Variants in RBPJ observed in about 807,000 individuals in gnomAD.
RBPJ encodes the protein recombining binding protein suppressor of hairless.
Under a neutral mutation model 67.8 loss-of-function variants are expected in RBPJ, and 9 were observed. The observed-to-expected ratio is 0.13, with a 90% confidence interval of 0.08 to 0.23. The LOEUF (loss-of-function observed/expected upper bound fraction) is 0.23. Ranked by LOEUF, RBPJ falls within the 10% of genes least tolerant of loss-of-function variation. The pLI is 1.00. For missense variants in RBPJ, 305 were observed against 595.6 expected (o/e 0.51, Z 5.08); for synonymous variants, 198 against 203.3 (o/e 0.97, Z 0.22).
chr4:26,175,383 G>A (rs192319856), intron 1 of RBPJ, among the ~76,000 whole-genome samples: 125 of 152,170 alleles, frequency 8.2e-4, no homozygotes, highest in African/African-American at 2.6e-3. Context: ...GAGCTGGGGG[G>A]GGGATTTGAG....
chr4:26,322,543 G>T, intron 1 of RBPJ, among the ~76,000 whole-genome samples: 1 of 152,040 alleles, frequency 6.6e-6, no homozygotes, highest in East Asian at 1.9e-4. Flanking sequence ...CCCATCATTG[G>T]GGTTGAAATG....
In RBPJ at chr4:26,238,216, C is replaced by T. The variant is rs117292074; in HGVS notation, c.-167+74602C>T. Among the ~76,000 whole-genome samples the T allele has an allele frequency of 6.9e-3, 1,050 of 152,248 alleles. 28 individuals are homozygous for T. The highest frequency in any genetic ancestry group is 0.051 in the East Asian group (262 of 5,176). Reference sequence around the variant, plus strand: ...AGCTGGGACCACAGGCGCGCACCACCGTGCCTGGCTAATGTTTTTATTTTT... The same window carrying T: ...AGCTGGGACCACAGGCGCGCACCACTGTGCCTGGCTAATGTTTTTATTTTT... On this transcript the variant is annotated intron_variant, in intron 1 of 4. Coordinates refer to the RBPJ transcript ENST00000512351.
chr4:26,403,843 C>T (rs1733106386), intron 2 of RBPJ, among the ~76,000 whole-genome samples: 1 of 152,016 alleles, frequency 6.6e-6, no homozygotes. Flanking sequence ...CTGCAATGAA[C>T]ATTCCTGTGC....
intron 1 of RBPJ, among the ~76,000 whole-genome samples, chr4:26,228,784 C>T (rs540322439): frequency 3.3e-5 from 5 of 152,316 alleles, no homozygotes; most frequent in Admixed American, 1.3e-4. Flanking sequence ...CTCTATAAAT[C>T]GTTTGACTGG....
In RBPJ at chr4:26,431,068, G is replaced by A; in HGVS notation, c.*61G>A. On this transcript the variant is annotated 3_prime_UTR_variant, in exon 11 of 11. Transcript: ENST00000355476. Reference sequence around the variant, plus strand: ...GTGTGGCAAAAAGTTAACAAAAAAGGAGAAAAAATGAACAATCGTTTGTGG... The same window carrying A: ...GTGTGGCAAAAAGTTAACAAAAAAGAAGAAAAAATGAACAATCGTTTGTGG... The A allele has an allele frequency of 1.4e-6, 2 of 1,438,188 alleles. No individual in the cohort carries two copies. The highest frequency in any genetic ancestry group is 3.7e-5 in the Admixed American group (2 of 53,360). 89.1% of individuals were successfully genotyped at this position (1,438,188 alleles called of 1,614,324 possible).
In RBPJ at chr4:26,293,202, CT is replaced by C. The variant is rs748083455; in HGVS notation, c.-166-69240del. ...GGCCCAAGTAGGCTCTTAGCATTCC[CT>C]TTTCTTCCTCAGCTGCAGGCCTCAG... is the stretch of plus-strand genomic sequence containing the variant. On this transcript the variant is annotated intron_variant, in intron 1 of 4. Transcript: ENST00000512351. Among the ~76,000 whole-genome samples, 6 of 150,610 alleles carry C rather than the reference CT, an allele frequency of 4.0e-5. 1 individual carries two copies. The highest frequency in any genetic ancestry group is 2.0e-4 in the Admixed American group (3 of 15,090).
intron 1 of RBPJ, among the ~76,000 whole-genome samples, chr4:26,348,572 TATTGTACTGTACCA>T (rs1265575342): frequency 2.6e-5 from 4 of 152,360 alleles, no homozygotes; most frequent in Admixed American, 2.6e-4. Context: ...GTGATTATCA[TATTGTACTGTACCA>T]ATATACTGAA....
the RBPJ span, among the ~76,000 whole-genome samples, chr4:26,141,984 C>G: frequency 6.6e-6 from 1 of 152,246 alleles, no homozygotes; most frequent in Non-Finnish European, 1.5e-5. Flanking sequence ...TCTTTGTTGA[C>G]TCGCAGCTTA....
chr4:26,375,389 G>T (rs1052037331), intron 1 of RBPJ, among the ~76,000 whole-genome samples: 2 of 151,698 alleles, frequency 1.3e-5, no homozygotes, highest in African/African-American at 2.4e-5. Flanking sequence ...CTATTGTAAT[G>T]TACTTCATAT....
chr4:26,177,092 G>A (rs1424690462), intron 1 of RBPJ, among the ~76,000 whole-genome samples: 13 of 152,044 alleles, frequency 8.6e-5, no homozygotes, highest in Non-Finnish European at 1.3e-4. Flanking sequence ...GGTGTGTGCC[G>A]CTCCTAGATA....
Position 26,424,488 on chromosome 4 carries a change from A to T in RBPJ, c.634+9A>T. On this transcript the variant is annotated intron_variant, in intron 6 of 10. Transcript: ENST00000355476. The surrounding 1 kb of genome is among the most constrained non-coding windows in gnomAD (Gnocchi z 5.3). ...CTTTTTTATTCATCTCTGTGAGTAT[A>T]AAAGTGTGCATTTAATGTTTTTAGT... The T allele has an allele frequency of 6.2e-7, 1 of 1,612,796 alleles. No homozygotes were observed. Among genetic ancestry groups the T allele is most frequent in the Non-Finnish European group, 8.5e-7 (1 of 1,179,472 alleles).
At chr4:26,216,810 G>A (rs562529840) in intron 1 of RBPJ, among the ~76,000 whole-genome samples, 3 of 152,114 alleles carry the variant, frequency 2.0e-5, no homozygotes, top group Non-Finnish European at 2.9e-5. Flanking sequence ...CTGCAGTCCC[G>A]GCTACTTGGC....
At chr4:26,234,498 C>G (rs902168623) in intron 1 of RBPJ, among the ~76,000 whole-genome samples, 38 of 152,240 alleles carry the variant, frequency 2.5e-4, no homozygotes, top group African/African-American at 8.2e-4. Context: ...ACCACAGGCT[C>G]ATTTTCTTAC....
chr4:26,412,039 T>A (rs1171005727), intron 3 of RBPJ, among the ~76,000 whole-genome samples: 1 of 145,872 alleles, frequency 6.9e-6, no homozygotes, highest in Non-Finnish European at 1.5e-5. Flanking sequence ...GGCATGAACC[T>A]GGGAGGTGGA....
chr4:26,200,031 C>T (rs1357068317), intron 1 of RBPJ, among the ~76,000 whole-genome samples: 3 of 152,182 alleles, frequency 2.0e-5, no homozygotes, highest in African/African-American at 7.2e-5. Flanking sequence ...AACGTTTCCA[C>T]GTTGAGTTCT....
At chr4:26,385,807 TA>T (rs1354913203) in intron 1 of RBPJ, among the ~76,000 whole-genome samples, 2 of 151,162 alleles carry the variant, frequency 1.3e-5, no homozygotes, top group African/African-American at 4.8e-5. Flanking sequence ...TTTATTTTTT[TA>T]TTTTATTTTT....
At chr4:26,286,308 G>A (rs1721465021) in intron 1 of RBPJ, among the ~76,000 whole-genome samples, 1 of 151,828 alleles carries the variant, frequency 6.6e-6, no homozygotes, top group Admixed American at 6.6e-5. Flanking sequence ...GTGAGACCAG[G>A]TCTCTTTAAA....
Position 26,431,956 on chromosome 4 carries a change from T to C in RBPJ, c.*949T>C, listed in dbSNP as rs1215320567. ...CAGAACTTGTTGATATTTGAAGTGTTCTCTCCCCTTTTCCCATGACGTAAA... is the reference window on the plus strand; with the variant it reads ...CAGAACTTGTTGATATTTGAAGTGTCCTCTCCCCTTTTCCCATGACGTAAA... On this transcript the variant is annotated 3_prime_UTR_variant, in exon 11 of 11. Transcript: ENST00000355476. 2.6e-5 allele frequency: 4 copies of C among 152,256 alleles called. No individual in the cohort carries two copies. Among genetic ancestry groups the C allele is most frequent in the Non-Finnish European group, 5.9e-5 (4 of 68,048 alleles). The allele number at this position is 152,256 out of a possible 1,614,324, so 9.4% of individuals were successfully genotyped here.
intron 1 of RBPJ, among the ~76,000 whole-genome samples, chr4:26,340,791 G>A (rs530785325): frequency 1.7e-4 from 26 of 151,774 alleles, no homozygotes; most frequent in Non-Finnish European, 2.8e-4. Flanking sequence ...CCCGGGAGGC[G>A]GAGGTTGCAG....
Sources: gnomAD v4.1 joint callset for allele counts (sites outside exome capture counted in the v4.1 genomes callset) on GRCh38, gnomAD v4.1.1 for gene constraint, Gnocchi (gnomAD v3.1) non-coding constraint, MANE v1.5 for transcripts, NCBI Gene and HGNC (gene_info 2026-07-23, HGNC 2026-07-21) for gene names.